The following GKAP1 variants were observed in gnomAD, a reference collection of about 807,000 sequenced individuals.
The protein encoded by GKAP1 is G kinase-anchoring protein 1.
GKAP1 carries 31 observed loss-of-function variants against 56.7 expected under a neutral mutation model. The observed-to-expected ratio is 0.55, with a 90% CI of 0.41 to 0.74. GKAP1 has a LOEUF of 0.74. Among genes scored for constraint, GKAP1 ranks in the 30% least tolerant of loss-of-function variants. GKAP1 has a pLI of 0.00. For synonymous variants in GKAP1, 151 were observed against 138.6 expected (o/e 1.09, Z -0.63); for missense variants, 364 against 402.3 (o/e 0.90, Z 0.82).
chr9:83,806,245 G>A lies in GKAP1; in HGVS notation c.216+57C>T. The stretch of plus-strand genomic sequence containing the variant: ...TACACAGGGGAACAAGATAGTATCT[G>A]TTCTCAGGATGATTACCATCTACTG... On this transcript the variant is annotated intron_variant, in intron 3 of 12. Transcript: ENST00000376371. 3 of 1,134,970 alleles carry A rather than the reference G, an allele frequency of 2.6e-6. No individual in the cohort carries two copies. The Admixed American group carries it at 6.1e-5, about 23-fold the overall frequency. The allele number at this position is 1,134,970 out of a possible 1,614,324, so 70.3% of individuals were successfully genotyped here. A position where few individuals can be genotyped will look rare whatever the true frequency, so the allele number is the denominator to read the frequency against.
chr9:83,749,313 G>A (rs1943347432), intron 9 of GKAP1, among the ~76,000 whole-genome samples: 1 of 148,104 alleles, frequency 6.8e-6, no homozygotes, highest in African/African-American at 2.5e-5. Flanking sequence ...TGCAACCTTC[G>A]CCTCCTGGGT....
At position 83,806,293 on chromosome 9, in the gene GKAP1, TTG is replaced by T. The variant is rs1407613616; in HGVS notation, c.216+7_216+8del. The T allele has an allele frequency of 2.7e-6, 4 of 1,498,162 alleles. No homozygotes were observed. Among genetic ancestry groups the T allele is most frequent in the Non-Finnish European group, 3.6e-6 (4 of 1,101,974 alleles). The allele number at this position is 1,498,162 out of a possible 1,614,324, so 92.8% of individuals were successfully genotyped here. ...CTGGGAAAGCAGACAACACAGATAA[TTG>T]TGTTACCTCATTTGCTTCACTCTGT... On this transcript the variant is annotated splice_region_variant and intron_variant, in intron 3 of 12. Coordinates refer to ENST00000376371, the MANE Select transcript of GKAP1 (RefSeq NM_025211.4).
At chr9:83,754,922 C>T (rs1165686104) in intron 8 of GKAP1, among the ~76,000 whole-genome samples, 1 of 152,116 alleles carries the variant, frequency 6.6e-6, no homozygotes, top group East Asian at 1.9e-4. Flanking sequence ...ACTACTCTAA[C>T]CCTGGGTCAA....
chr9:83,780,295 G>T, intron 7 of GKAP1, 87 bp downstream of exon 7: 1 of 770,712 alleles, frequency 1.3e-6, no homozygotes, highest in Non-Finnish European at 2.1e-6. Context: ...AAATGATTAT[G>T]TCTCAAAAAA....
chr9:83,740,890 G>A (rs1269750482), intron 12 of GKAP1, among the ~76,000 whole-genome samples: 2 of 151,964 alleles, frequency 1.3e-5, no homozygotes, highest in African/African-American at 4.8e-5. Flanking sequence ...AAAACAAAAT[G>A]AAACAATACT....
chr9:83,777,131 T>C (rs1943877222), intron 7 of GKAP1, among the ~76,000 whole-genome samples: 2 of 152,212 alleles, frequency 1.3e-5, no homozygotes, highest in Non-Finnish European at 2.9e-5. Context: ...CTGTCCAATA[T>C]CTCCCCCACT....
chr9:83,766,151 A>G (rs1468772397), intron 8 of GKAP1, among the ~76,000 whole-genome samples: 1 of 152,082 alleles, frequency 6.6e-6, no homozygotes, highest in Non-Finnish European at 1.5e-5. Context: ...TACTCATGAG[A>G]TCTAATGGTC....
intron 8 of GKAP1, among the ~76,000 whole-genome samples, chr9:83,758,120 T>C (rs1462074045): frequency 6.6e-6 from 1 of 152,190 alleles, no homozygotes; most frequent in African/African-American, 2.4e-5. Flanking sequence ...TAATCTCACA[T>C]CCTGCTGCTA....
In GKAP1 at chr9:83,741,982, T is replaced by C. The variant is rs147754528; in HGVS notation, c.1023A>G (p.Lys341=). Residue 341 remains lysine, a synonymous_variant, in exon 12 of 13, where the codon AAA becomes AAG. Transcript: ENST00000376371. ...ATTTGGCTAACTCTGCTTGTAATAC[T>C]TTCACTTTAGATCTTTCTTGTTCTA... The part of the protein sequence containing the change: ...AALEQERSKV[K]VLQAELAKYQ... 1.3e-6 allele frequency: 2 copies of C among 1,594,316 alleles called. No individual in the cohort carries two copies. The highest frequency in any genetic ancestry group is 1.7e-6 in the Non-Finnish European group (2 of 1,172,634).
chr9:83,815,868 T>C (rs1354727586), intron 2 of GKAP1, among the ~76,000 whole-genome samples: 1 of 151,992 alleles, frequency 6.6e-6, no homozygotes, highest in African/African-American at 2.4e-5. Flanking sequence ...AACCAAACAG[T>C]ATCTTTCACT....
At chr9:83,779,548 C>CAT (rs1564201760) in intron 7 of GKAP1, among the ~76,000 whole-genome samples, 1 of 91,134 alleles carries the variant, frequency 1.1e-5, no homozygotes, top group South Asian at 3.8e-4. Context: ...TATATATACA[C>CAT]GTGTATATGT....
Position 83,753,323 on chromosome 9 carries a change from T to G in GKAP1, c.775A>C (p.Lys259Gln), listed in dbSNP as rs918483600. The G allele has an allele frequency of 2.5e-6, 4 of 1,610,720 alleles. No homozygotes were observed. The highest frequency in any genetic ancestry group is 1.3e-5 in the African/African-American group (1 of 74,976). Residue 259 changes from lysine to glutamine, a missense_variant, in exon 9 of 13, where the codon AAG becomes CAG. Coordinates refer to ENST00000376371, the MANE Select transcript of GKAP1 (RefSeq NM_025211.4). ...GCATCTTTCCTTTCAAGCTCTAACT[T>G]TAGTCTTTCAATTCTTCCATCTTTC... ...VLKDGRIERL[K>Q]LELERKDAEI...
intron 8 of GKAP1, among the ~76,000 whole-genome samples, chr9:83,758,487 A>G (rs913634439): frequency 6.6e-6 from 1 of 152,128 alleles, no homozygotes; most frequent in Non-Finnish European, 1.5e-5. Context: ...GATCTCAGCA[A>G]TTTGGGAGGC....
chr9:83,810,409 AAG>A (rs1346220393), intron 2 of GKAP1, among the ~76,000 whole-genome samples: 5 of 152,222 alleles, frequency 3.3e-5, no homozygotes, highest in African/African-American at 1.2e-4. Context: ...AAACCCTGAA[AAG>A]AGTCTGAAGT....
intron 8 of GKAP1, among the ~76,000 whole-genome samples, chr9:83,757,112 T>C (rs901006786): frequency 2.6e-5 from 4 of 152,116 alleles, no homozygotes; most frequent in Middle Eastern, 3.2e-3. Flanking sequence ...CTATGGGGTA[T>C]AGAAAAAGGA....
intron 2 of GKAP1, among the ~76,000 whole-genome samples, chr9:83,807,571 A>C (rs996415125): frequency 1.3e-5 from 2 of 152,222 alleles, no homozygotes; most frequent in African/African-American, 4.8e-5. Flanking sequence ...CAAAACGTTA[A>C]CTGACTCCTA....
intron 7 of GKAP1, among the ~76,000 whole-genome samples, chr9:83,776,604 G>A (rs1168584511): frequency 1.3e-5 from 2 of 152,224 alleles, no homozygotes; most frequent in South Asian, 2.1e-4. Flanking sequence ...ACTGAGGCAC[G>A]AGAATCGCTT....
At chr9:83,783,024 T>G (rs1323578705) in intron 6 of GKAP1, among the ~76,000 whole-genome samples, 1 of 152,206 alleles carries the variant, frequency 6.6e-6, no homozygotes, top group Non-Finnish European at 1.5e-5. Flanking sequence ...ACAAAGCAAC[T>G]TAATCACTGG....
intron 6 of GKAP1, 145 bp from the exon 7 acceptor site, chr9:83,780,549 T>G (rs1374060534): frequency 2.0e-6 from 1 of 497,612 alleles, no homozygotes; most frequent in African/African-American, 2.0e-5. Flanking sequence ...TTTTCTAGGA[T>G]TCTCATCTGA....
Sources: gnomAD v4.1 joint callset for allele counts (sites outside exome capture counted in the v4.1 genomes callset) on GRCh38, gnomAD v4.1.1 for gene constraint, MANE v1.5 for transcripts, NCBI Gene and HGNC (gene_info 2026-07-23, HGNC 2026-07-21) for gene names.